FHIP1A: variants seen among roughly 807,000 people sequenced by gnomAD.
FHIP1A encodes FHF complex subunit HOOK interacting protein 1A.
A neutral mutation model predicts 88.6 loss-of-function variants in FHIP1A; 61 were observed. That is an observed-to-expected ratio of 0.69 (90% CI 0.56 to 0.85). The LOEUF (loss-of-function observed/expected upper bound fraction) is 0.85, where lower values mean the gene tolerates loss of function less well. Among genes scored for constraint, FHIP1A ranks in the 40% least tolerant of loss-of-function variants. The pLI is 0.00. For missense variants in FHIP1A, 1,154 were observed against 1,273.5 expected (o/e 0.91, Z 1.43); for synonymous variants, 478 against 496.0 (o/e 0.96, Z 0.48).
chr4:151,600,313 A>T (rs1489054771), intron 7 of FHIP1A, among the ~76,000 whole-genome samples: 6 of 152,242 alleles, frequency 3.9e-5, no homozygotes, highest in Admixed American at 3.9e-4. Flanking sequence ...TCTAAAGCAA[A>T]GCAAGTCACT....
intron 9 of FHIP1A, among the ~76,000 whole-genome samples, chr4:151,645,683 A>G (rs905186351): frequency 1.3e-5 from 2 of 151,534 alleles, no homozygotes; most frequent in African/African-American, 2.4e-5. Flanking sequence ...GGCTCTGGCT[A>G]TAAGTTCTTT....
intron 13 of FHIP1A, among the ~76,000 whole-genome samples, chr4:151,660,700 G>A (rs1560828242): frequency 6.6e-6 from 1 of 152,170 alleles, no homozygotes; most frequent in Non-Finnish European, 1.5e-5. Flanking sequence ...ACATGGAGAG[G>A]AGGCTAGAAT....
intron 8 of FHIP1A, among the ~76,000 whole-genome samples, chr4:151,630,433 G>T (rs940709786): frequency 6.6e-6 from 1 of 152,084 alleles, no homozygotes; most frequent in East Asian, 1.9e-4. Flanking sequence ...TATATCATTC[G>T]GTTTGCAACA....
At chr4:151,548,311 A>C (rs1732586961) in intron 3 of FHIP1A, among the ~76,000 whole-genome samples, 2 of 152,302 alleles carry the variant, frequency 1.3e-5, no homozygotes, top group South Asian at 4.1e-4. Flanking sequence ...AATTCCATGG[A>C]AACAGTTTTA....
intron 3 of FHIP1A, among the ~76,000 whole-genome samples, chr4:151,530,539 G>A (rs962221927): frequency 6.6e-6 from 1 of 152,194 alleles, no homozygotes; most frequent in African/African-American, 2.4e-5. Flanking sequence ...TCTGTAACCT[G>A]TTTAGGGAAT....
At chr4:151,472,121 C>T (rs1449640086) in intron 2 of FHIP1A, among the ~76,000 whole-genome samples, 1 of 152,060 alleles carries the variant, frequency 6.6e-6, no homozygotes, top group Non-Finnish European at 1.5e-5. Context: ...TGGATGGACA[C>T]TGGACATATG....
intron 3 of FHIP1A, among the ~76,000 whole-genome samples, chr4:151,525,596 C>T (rs1458225267): frequency 1.3e-5 from 2 of 152,170 alleles, no homozygotes; most frequent in Admixed American, 6.5e-5. Context: ...AGGTGTTTGC[C>T]ATTTGTTGAA....
chr4:151,613,552 T>G (rs1735403056), intron 7 of FHIP1A, among the ~76,000 whole-genome samples: 1 of 152,194 alleles, frequency 6.6e-6, no homozygotes. Flanking sequence ...CATCTTTATA[T>G]TTACAGAGTA....
chr4:151,575,085 TCCA>T (rs1733735393), intron 4 of FHIP1A, among the ~76,000 whole-genome samples: 1 of 152,182 alleles, frequency 6.6e-6, no homozygotes, highest in Admixed American at 6.5e-5. Context: ...AATTTGCCAC[TCCA>T]CCATCAATGT....
chr4:151,411,349 A>ATTTTT lies in FHIP1A; in HGVS notation c.-356+1893_-356+1897dup, dbSNP rs60777689. Among the ~76,000 whole-genome samples the ATTTTT allele has an allele frequency of 3.5e-3, 473 of 136,792 alleles. 10 individuals are homozygous for ATTTTT. The highest frequency in any genetic ancestry group is 5.9e-3 in the Non-Finnish European group (386 of 64,970). 89.7% of individuals were successfully genotyped at this position (136,792 alleles called of 152,430 possible). ...CTCTGAGGAGTGAAATTATATATAT[A>ATTTTT]TTTTTTTTTTTTTAAAGTTAGGGTC... On this transcript the variant is annotated intron_variant, in intron 1 of 13. Coordinates refer to ENST00000435205, the MANE Select transcript of FHIP1A (RefSeq NM_001109977.3).
intron 3 of FHIP1A, among the ~76,000 whole-genome samples, chr4:151,514,515 G>A (rs560999294): frequency 5.3e-4 from 80 of 151,754 alleles, no homozygotes; most frequent in Non-Finnish European, 8.4e-4. Context: ...GAATCCAGGA[G>A]CTGGTTTTTT....
At chr4:151,444,973 G>T (rs1362863747) in intron 1 of FHIP1A, among the ~76,000 whole-genome samples, 1 of 152,068 alleles carries the variant, frequency 6.6e-6, no homozygotes, top group Non-Finnish European at 1.5e-5. Context: ...GACACTAACT[G>T]CCTGGAGTTA....
chr4:151,463,036 T>A (rs1208139186), intron 2 of FHIP1A, among the ~76,000 whole-genome samples: 2 of 152,202 alleles, frequency 1.3e-5, no homozygotes, highest in African/African-American at 4.8e-5. Flanking sequence ...TGAGGGTAGG[T>A]CTTTTAGAGC....
rs150547815 is a variant in FHIP1A, at chr4:151,440,984, G to A, written c.-355-13717G>A. Among the ~76,000 whole-genome samples, 592 of 152,206 alleles carry A rather than the reference G, an allele frequency of 3.9e-3. 3 individuals carry two copies. Among genetic ancestry groups the A allele is most frequent in the African/African-American group, 0.014 (568 of 41,532 alleles). On this transcript the variant is annotated intron_variant, in intron 1 of 13. Coordinates refer to ENST00000435205, the MANE Select transcript of FHIP1A (RefSeq NM_001109977.3). ...TTAAATCCCCTCTGTTCACTAGGCT[G>A]TTTTTCTTCACCCATTCAAATCCAA...
At chr4:151,412,588 C>T (rs1269878018) in intron 1 of FHIP1A, among the ~76,000 whole-genome samples, 2 of 128,484 alleles carry the variant, frequency 1.6e-5, no homozygotes, top group African/African-American at 6.2e-5. Flanking sequence ...CCTTTCTTTC[C>T]TTCCTTCCTT....
At chr4:151,538,158 G>T (rs149036339) in intron 3 of FHIP1A, among the ~76,000 whole-genome samples, 2 of 152,102 alleles carry the variant, frequency 1.3e-5, no homozygotes, top group African/African-American at 4.8e-5. Context: ...ATGGTTGAGG[G>T]TGAACTCTTT....
intron 11 of FHIP1A, among the ~76,000 whole-genome samples, chr4:151,653,148 C>T (rs1460910012): frequency 6.6e-6 from 1 of 152,156 alleles, no homozygotes; most frequent in Non-Finnish European, 1.5e-5. Flanking sequence ...CTAAGGTGTA[C>T]ATACAGGGAT....
At chr4:151,471,149 A>G (rs1467777084) in intron 2 of FHIP1A, among the ~76,000 whole-genome samples, 2 of 152,130 alleles carry the variant, frequency 1.3e-5, no homozygotes, top group African/African-American at 2.4e-5. Flanking sequence ...CAGTCCTCCA[A>G]CCTGTGTGGT....
chr4:151,603,497 A>G (rs1734955012), intron 7 of FHIP1A, among the ~76,000 whole-genome samples: 1 of 152,012 alleles, frequency 6.6e-6, no homozygotes, highest in African/African-American at 2.4e-5. Flanking sequence ...GGCATGCCTC[A>G]GGGACTATTC....
Sources: gnomAD v4.1 joint callset for allele counts (sites outside exome capture counted in the v4.1 genomes callset) on GRCh38, gnomAD v4.1.1 for gene constraint, MANE v1.5 for transcripts, NCBI Gene and HGNC (gene_info 2026-07-23, HGNC 2026-07-21) for gene names.